The following MYT1L variants were observed in gnomAD, a reference collection of about 807,000 sequenced individuals.
The protein encoded by MYT1L is myelin transcription factor 1 like, also known as myelin transcription factor 1-like protein.
In MYT1L, 12 loss-of-function variants were observed where a neutral mutation model predicts 126.7. The ratio of observed to expected loss-of-function variants is 0.09; its 90% CI spans 0.06 to 0.15. The LOEUF (loss-of-function observed/expected upper bound fraction) is 0.15, where lower values mean the gene tolerates loss of function less well. Among genes scored for constraint, MYT1L ranks in the 10% least tolerant of loss-of-function variants. MYT1L has a pLI of 1.00. For synonymous variants in MYT1L, 541 were observed against 604.2 expected, an observed-to-expected ratio of 0.90 and a Z score of 1.53; for missense variants, 979 against 1,585.2, an observed-to-expected ratio of 0.62 and a Z score of 6.49.
intron 3 of MYT1L, among the ~76,000 whole-genome samples, chr2:2,076,020 A>C (rs547018205): frequency 6.6e-6 from 1 of 152,232 alleles, no homozygotes; most frequent in African/African-American, 2.4e-5. Context: ...CTCTTAGGAA[A>C]TCTGGACTCT....
At chr2:2,124,471 T>G (rs945548982) in intron 3 of MYT1L, among the ~76,000 whole-genome samples, 1 of 152,018 alleles carries the variant, frequency 6.6e-6, no homozygotes, top group African/African-American at 2.4e-5. Flanking sequence ...GATTTTGGTA[T>G]TTTTAGTAGA....
intron 4 of MYT1L, among the ~76,000 whole-genome samples, chr2:2,029,021 C>A (rs2065934692): frequency 6.6e-6 from 1 of 152,138 alleles, no homozygotes. Context: ...AGGATGAATG[C>A]TTTTTAAAAT....
chr2:2,114,081 G>C (rs1317181385), intron 3 of MYT1L, among the ~76,000 whole-genome samples: 1 of 152,226 alleles, frequency 6.6e-6, no homozygotes, highest in Non-Finnish European at 1.5e-5. Flanking sequence ...TATACAGATA[G>C]GAAAATAGAC....
At chr2:1,847,244 T>C (rs2042623165) in intron 19 of MYT1L, among the ~76,000 whole-genome samples, 1 of 152,212 alleles carries the variant, frequency 6.6e-6, no homozygotes, top group African/African-American at 2.4e-5. Context: ...GGTGAGATTA[T>C]AGATGTAAAA....
chr2:1,999,647 A>C (rs1316338973), intron 4 of MYT1L, among the ~76,000 whole-genome samples: 2 of 152,230 alleles, frequency 1.3e-5, no homozygotes, highest in Non-Finnish European at 2.9e-5. Flanking sequence ...ATCTATTAAA[A>C]TAAAAAAAAT....
intron 4 of MYT1L, among the ~76,000 whole-genome samples, chr2:2,003,572 T>C (rs1366151545): frequency 1.3e-5 from 2 of 152,212 alleles, no homozygotes; most frequent in African/African-American, 4.8e-5. Context: ...CCACAGGGGC[T>C]TCTCTCCTGG....
intron 2 of MYT1L, among the ~76,000 whole-genome samples, chr2:2,282,168 G>T (rs2095456739): frequency 6.6e-6 from 1 of 152,150 alleles, no homozygotes; most frequent in Non-Finnish European, 1.5e-5. Context: ...CAACTAAAAG[G>T]TGGACTTCTC....
chr2:1,979,260 G>C lies in MYT1L; in HGVS notation c.90-33C>G. The C allele has an allele frequency of 6.3e-7, 1 of 1,586,112 alleles. No individual in the cohort carries two copies. Among genetic ancestry groups the C allele is most frequent in the Non-Finnish European group, 8.6e-7 (1 of 1,156,378 alleles). ...AGGAAAGAATGGATTACACGGTGCC[G>C]CAGGCAGGCAGGTGAGACGGAAAGC... On this transcript the variant is annotated intron_variant, in intron 7 of 24. Transcript: ENST00000647738. This position sits in a 1 kb window ranked among gnomAD's most constrained non-coding sequence, Gnocchi z 4.0.
chr2:2,244,041 C>T (rs1213919978), intron 2 of MYT1L, among the ~76,000 whole-genome samples: 5 of 152,196 alleles, frequency 3.3e-5, no homozygotes, highest in Admixed American at 6.5e-5. Flanking sequence ...TAATAAAATA[C>T]TCACACAATC....
chr2:1,924,091 T>C (rs2053916227), intron 9 of MYT1L, among the ~76,000 whole-genome samples: 1 of 152,162 alleles, frequency 6.6e-6, no homozygotes, highest in South Asian at 2.1e-4. Context: ...CATTCCTCCA[T>C]CTCACAGCCT....
At chr2:1,813,092 C>G (rs1359841599) in intron 21 of MYT1L, among the ~76,000 whole-genome samples, 1 of 152,168 alleles carries the variant, frequency 6.6e-6, no homozygotes, top group Non-Finnish European at 1.5e-5. Context: ...CGCTGAACCT[C>G]TCTGGCCTTC....
chr2:1,801,344 AC>A lies in MYT1L; in HGVS notation c.3276+351del, dbSNP rs1229316286. 5.6e-6 allele frequency: 1 copy of A among 177,032 alleles called. No individual in the cohort carries two copies. Among genetic ancestry groups the A allele is most frequent in the Non-Finnish European group, 1.2e-5 (1 of 85,070 alleles). 11.0% of individuals were successfully genotyped at this position (177,032 alleles called of 1,614,324 possible). A position where few individuals can be genotyped will look rare whatever the true frequency, so the allele number is the denominator to read the frequency against. On this transcript the variant is annotated intron_variant, in intron 23 of 24. Coordinates refer to ENST00000647738, the MANE Select transcript of MYT1L (RefSeq NM_001303052.2). The surrounding 1 kb of genome is among the most constrained non-coding windows in gnomAD (Gnocchi z 4.2). ...TTCTGGGAACATCGGCTGTCGCCAT[AC>A]ATTTAATATAGTGATTAAATAACAG...
chr2:2,171,060 G>A (rs1017586597), intron 3 of MYT1L, among the ~76,000 whole-genome samples: 1 of 152,138 alleles, frequency 6.6e-6, no homozygotes, highest in Admixed American at 6.5e-5. Context: ...TGCTCACCCG[G>A]GGCCTGGCTG....
chr2:2,143,879 T>C (rs2084432896), intron 3 of MYT1L, among the ~76,000 whole-genome samples: 1 of 151,518 alleles, frequency 6.6e-6, no homozygotes, highest in Non-Finnish European at 1.5e-5. Context: ...CCAAATGCCA[T>C]GTGTTCTCAC....
At chr2:1,954,409 T>C (rs529949987) in intron 8 of MYT1L, among the ~76,000 whole-genome samples, 1 of 152,240 alleles carries the variant, frequency 6.6e-6, no homozygotes, top group Admixed American at 6.5e-5. Flanking sequence ...GTGCAGTCAG[T>C]CCATCCCAAT....
At chr2:1,810,262 T>C (rs918879537) in intron 21 of MYT1L, among the ~76,000 whole-genome samples, 6 of 151,668 alleles carry the variant, frequency 4.0e-5, no homozygotes, top group African/African-American at 1.5e-4. Context: ...GATTACAGAA[T>C]TATAGCCTCT....
At chr2:2,305,835 G>T (rs922649115) in intron 1 of MYT1L, 1 of 152,134 alleles carries the variant, frequency 6.6e-6, no homozygotes, top group Admixed American at 6.5e-5. Context: ...TAACAGCAAG[G>T]GAGAAACTGC....
intron 8 of MYT1L, among the ~76,000 whole-genome samples, chr2:1,978,737 A>G (rs1013633715): frequency 1.3e-5 from 2 of 152,164 alleles, no homozygotes. Context: ...ACCCCGTTAA[A>G]TGCTGGAAAT....
chr2:2,173,218 T>G (rs1242487277), intron 2 of MYT1L, among the ~76,000 whole-genome samples: 6 of 152,218 alleles, frequency 3.9e-5, no homozygotes, highest in Admixed American at 1.3e-4. Flanking sequence ...CTTTGAAACC[T>G]AAGATATTGA....
Sources: allele counts gnomAD v4.1 joint callset (sites outside exome capture counted in the v4.1 genomes callset), GRCh38; gene constraint gnomAD v4.1.1; non-coding constraint Gnocchi (gnomAD v3.1); transcripts MANE v1.5; gene names NCBI Gene and HGNC (gene_info 2026-07-23, HGNC 2026-07-21).